The following UBE2V2 variants were observed in gnomAD, a reference collection of about 807,000 sequenced individuals.
UBE2V2 encodes ubiquitin conjugating enzyme E2 V2.
Under a neutral mutation model 17.2 loss-of-function variants are expected in UBE2V2, and 9 were observed. The ratio of observed to expected loss-of-function variants is 0.52; its 90% confidence interval spans 0.32 to 0.91. UBE2V2 has a LOEUF of 0.91. Ranked by LOEUF, UBE2V2 falls within the 40% of genes least tolerant of loss-of-function variation. The pLI is 0.04. For missense variants in UBE2V2, 133 were observed against 182.6 expected (o/e 0.73, Z 1.56); for synonymous variants, 61 against 57.5 (o/e 1.06, Z -0.28).
At chr8:48,017,455 G>A (rs1307847153) in intron 1 of UBE2V2, among the ~76,000 whole-genome samples, 2 of 150,612 alleles carry the variant, frequency 1.3e-5, no homozygotes, top group Non-Finnish European at 3.0e-5. Flanking sequence ...CTCACTGCAA[G>A]CTCTGCCTCC....
chr8:48,041,446 T>A (rs939798758), intron 1 of UBE2V2, among the ~76,000 whole-genome samples: 4 of 152,108 alleles, frequency 2.6e-5, no homozygotes, highest in Non-Finnish European at 5.9e-5. Context: ...CGAGACTCTG[T>A]CTCACACACA....
the UBE2V2 span, among the ~76,000 whole-genome samples, chr8:47,999,461 A>G: frequency 6.6e-6 from 1 of 151,508 alleles, no homozygotes; most frequent in East Asian, 1.9e-4. Flanking sequence ...GGTTCAAGTG[A>G]TTCTCCTGCC....
chr8:48,001,711 C>A, the UBE2V2 span, among the ~76,000 whole-genome samples: 2 of 152,154 alleles, frequency 1.3e-5, no homozygotes, highest in Non-Finnish European at 2.9e-5. Flanking sequence ...TATTTGCAAA[C>A]CATACATCTG....
intron 3 of UBE2V2, among the ~76,000 whole-genome samples, chr8:48,056,734 T>G (rs1009399468): frequency 6.6e-6 from 1 of 151,964 alleles, no homozygotes; most frequent in African/African-American, 2.4e-5. Flanking sequence ...GTTTTTTTGT[T>G]TGTTTTTGAG....
rs1010916928 is a variant in UBE2V2, at chr8:48,035,148, C to G, written c.17-7885C>G. On this transcript the variant is annotated intron_variant, in intron 1 of 3. Transcript: ENST00000523111. Reference sequence around the variant, plus strand: ...TTTTTTTTTTGGAGGTGGAGTCTCACTCTGTCGCCGAGGCTGTAGTGCAGT... The same window carrying G: ...TTTTTTTTTTGGAGGTGGAGTCTCAGTCTGTCGCCGAGGCTGTAGTGCAGT... 9.1e-5 allele frequency: 87 copies of G among 960,940 alleles called. No homozygotes were observed. The African/African-American group carries it at 1.6e-3, about 17-fold the overall frequency. 59.5% of individuals were successfully genotyped at this position (960,940 alleles called of 1,614,324 possible).
intron 1 of UBE2V2, chr8:48,041,655 A>G (rs2091465013): frequency 6.6e-6 from 1 of 152,250 alleles, no homozygotes; most frequent in African/African-American, 2.4e-5. Flanking sequence ...TTACCTTTGC[A>G]TATACACGAA....
rs1802613030 is a variant in UBE2V2 at position 48,062,580 on chromosome 8, T to TC, written c.*1754dup. The TC allele has an allele frequency of 1.1e-5, 1 of 91,522 alleles. No individual in the cohort carries two copies. Among genetic ancestry groups the TC allele is most frequent in the South Asian group, 4.4e-4 (1 of 2,294 alleles). 5.7% of individuals were successfully genotyped at this position (91,522 alleles called of 1,614,324 possible). On this transcript the variant is annotated 3_prime_UTR_variant, in exon 4 of 4. Coordinates refer to ENST00000523111, the MANE Select transcript of UBE2V2 (RefSeq NM_003350.3). ...TCCAGCCTGGGCAACAGAGCAAGACTCCATCTCAAAAAAAAAAAAAAAAAG... is the reference window on the plus strand; with the variant it reads ...TCCAGCCTGGGCAACAGAGCAAGACTCCCATCTCAAAAAAAAAAAAAAAAAG...
the UBE2V2 span, among the ~76,000 whole-genome samples, chr8:47,998,837 G>A: frequency 3.9e-5 from 6 of 152,022 alleles, no homozygotes; most frequent in South Asian, 2.1e-4. Context: ...TTAACCTGCC[G>A]GCTGACCCCT....
At chr8:48,008,270 G>A, upstream of UBE2V2, 4 of 625,700 alleles carry the variant, frequency 6.4e-6, no homozygotes, top group South Asian at 1.4e-4. Flanking sequence ...GGATTCACAA[G>A]GGAATTGCGG....
rs1263606424 is a variant in UBE2V2, at chr8:48,042,981, AGCTCT to A, written c.17-51_17-47del. On this transcript the variant is annotated intron_variant, in intron 1 of 3. Transcript: ENST00000523111. ...GAAAAAGCTGAATTTAAATACGTGT[AGCTCT>A]TATAATTATGAGCTTTTTACATTTA... The A allele has an allele frequency of 1.6e-5, 22 of 1,370,810 alleles. No individual in the cohort carries two copies. In the East Asian group the frequency reaches 5.3e-4, roughly 33 times the overall value. The allele number at this position is 1,370,810 out of a possible 1,614,324, so 84.9% of individuals were successfully genotyped here.
chr8:48,055,260 T>C (rs1585446242), intron 3 of UBE2V2, among the ~76,000 whole-genome samples: 1 of 150,518 alleles, frequency 6.6e-6, no homozygotes, highest in African/African-American at 2.4e-5. Flanking sequence ...AGTGCAATGG[T>C]GCGATCTTGG....
chr8:48,030,199 A>G (rs1444327979), intron 1 of UBE2V2, among the ~76,000 whole-genome samples: 1 of 152,208 alleles, frequency 6.6e-6, no homozygotes, highest in African/African-American at 2.4e-5. Flanking sequence ...ATTCACTTAC[A>G]TGGTTGTCTT....
rs576908142 is a variant in UBE2V2, at chr8:48,046,529, C to T, written c.166-3324C>T. Among the ~76,000 whole-genome samples, 9 of 152,266 alleles carry T rather than the reference C, an allele frequency of 5.9e-5. No individual in the cohort carries two copies. The South Asian group carries it at 8.3e-4, about 14-fold the overall frequency. Reference sequence around the variant, plus strand: ...CGGCCTTCGCAAAGTGCTAGGATTACAGGCGTGAGCCGCCGTGCCCGGTTG... The same window carrying T: ...CGGCCTTCGCAAAGTGCTAGGATTATAGGCGTGAGCCGCCGTGCCCGGTTG... On this transcript the variant is annotated intron_variant, in intron 2 of 3. Coordinates refer to ENST00000523111, the MANE Select transcript of UBE2V2 (RefSeq NM_003350.3).
chr8:48,008,391 C>T (rs766565140), upstream of UBE2V2: 14 of 1,547,552 alleles, frequency 9.0e-6, no homozygotes, highest in Admixed American at 1.9e-4. Flanking sequence ...GCGGCGCGCT[C>T]CCGGAAGTGA....
the UBE2V2 span, among the ~76,000 whole-genome samples, chr8:47,998,752 C>T: frequency 0.011 from 1,733 of 151,658 alleles, 49 homozygotes; most frequent in African/African-American, 0.039. Context: ...ATCCCCTTCC[C>T]GGTTTCGGCA....
At chr8:48,056,140 C>T (rs920102427) in intron 3 of UBE2V2, among the ~76,000 whole-genome samples, 2 of 152,122 alleles carry the variant, frequency 1.3e-5, no homozygotes, top group African/African-American at 2.4e-5. Context: ...GGCGACTTAA[C>T]GTAATGTTTT....
At chr8:48,043,353 G>A (rs1421917885) in intron 2 of UBE2V2, 172 bp downstream of exon 2, 3 of 482,386 alleles carry the variant, frequency 6.2e-6, no homozygotes, top group Admixed American at 8.6e-5. Flanking sequence ...GCTCGATTAC[G>A]TAGAGGATTG....
chr8:48,040,420 G>C (rs1163375048), intron 1 of UBE2V2, among the ~76,000 whole-genome samples: 1 of 152,092 alleles, frequency 6.6e-6, no homozygotes, highest in Non-Finnish European at 1.5e-5. Flanking sequence ...CTGATACCAA[G>C]ATTGCATTTG....
intron 3 of UBE2V2, chr8:48,050,532 AAAG>A (rs1319099174): frequency 6.6e-6 from 1 of 152,178 alleles, no homozygotes; most frequent in Admixed American, 6.6e-5. Context: ...TGCCTGGCCA[AAAG>A]TTTTCTTAGG....
Sources: allele counts gnomAD v4.1 joint callset (sites outside exome capture counted in the v4.1 genomes callset), GRCh38; gene constraint gnomAD v4.1.1; transcripts MANE v1.5; gene names NCBI Gene and HGNC (gene_info 2026-07-23, HGNC 2026-07-21).